AHI1: variants seen among roughly 807,000 people sequenced by gnomAD.
AHI1 encodes jouberin.
AHI1 carries 123 observed loss-of-function variants against 149.3 expected under a neutral mutation model. That is an observed-to-expected ratio of 0.82 (90% confidence interval 0.71 to 0.96). AHI1 has a LOEUF of 0.96. Ranked by LOEUF, AHI1 falls within the 40% of genes least tolerant of loss-of-function variation. The pLI, the probability that AHI1 is intolerant of heterozygous loss-of-function variation, is 0.00. For missense variants in AHI1, 1,439 were observed against 1,422.7 expected (o/e 1.01, Z -0.18); for synonymous variants, 475 against 459.8 (o/e 1.03, Z -0.42).
Position 135,438,433 on chromosome 6 carries a change from G to C in AHI1, c.1978C>G (p.Leu660Val), listed in dbSNP as rs1394335930. The change falls in exon 15 of 29, where the codon CTT becomes GTT. Residue 660 changes from leucine to valine, a missense_variant. Coordinates refer to ENST00000265602, the MANE Select transcript of AHI1 (RefSeq NM_001134831.2). ...TAGTGATCATCTTTTGACCAGGAAA[G>C]ATCATAAATGATATTGAGGTGGCCA... ...LCGHLNIIYD[L>V]SWSKDDHYIL... The C allele has an allele frequency of 7.7e-6, 12 of 1,562,496 alleles. No individual in the cohort carries two copies. The highest frequency in any genetic ancestry group is 2.7e-5 in the African/African-American group (2 of 73,846).
chr6:135,439,163 C>A (rs1405914296), intron 14 of AHI1, among the ~76,000 whole-genome samples: 1 of 152,216 alleles, frequency 6.6e-6, no homozygotes. Flanking sequence ...ACAGCAGTCC[C>A]CCCTTATGTG....
At chr6:135,457,235 G>A (rs1217788261) in intron 9 of AHI1, among the ~76,000 whole-genome samples, 1 of 152,196 alleles carries the variant, frequency 6.6e-6, no homozygotes, top group African/African-American at 2.4e-5. Context: ...AGTGAGCCAA[G>A]ATTGAGCACT....
At chr6:135,379,162 C>T (rs1776343726) in intron 23 of AHI1, among the ~76,000 whole-genome samples, 1 of 152,156 alleles carries the variant, frequency 6.6e-6, no homozygotes, top group Admixed American at 6.5e-5. Context: ...GCCATAATAT[C>T]TTGTAGGCAT....
At chr6:135,421,797 T>C (rs1001066576) in intron 20 of AHI1, among the ~76,000 whole-genome samples, 5 of 152,134 alleles carry the variant, frequency 3.3e-5, no homozygotes, top group African/African-American at 1.2e-4. Context: ...GTGAATAATA[T>C]TAAAATAGGT....
At chr6:135,396,672 C>T (rs1779257473) in intron 22 of AHI1, among the ~76,000 whole-genome samples, 1 of 151,864 alleles carries the variant, frequency 6.6e-6, no homozygotes, top group Middle Eastern at 3.4e-3. Flanking sequence ...CTATTTAATT[C>T]ACTTCTTTTT....
chr6:135,375,624 T>A (rs1394402553), intron 23 of AHI1, among the ~76,000 whole-genome samples: 2 of 152,218 alleles, frequency 1.3e-5, no homozygotes, highest in Non-Finnish European at 2.9e-5. Flanking sequence ...TTGTAGCCTT[T>A]ATTATTGATA....
chr6:135,417,358 CACAT>C (rs1263771485), intron 20 of AHI1, among the ~76,000 whole-genome samples: 1 of 151,982 alleles, frequency 6.6e-6, no homozygotes, highest in Non-Finnish European at 1.5e-5. Flanking sequence ...GGCCCAGAAG[CACAT>C]ACACCTACGT....
intron 5 of AHI1, among the ~76,000 whole-genome samples, chr6:135,471,245 T>C (rs1791644215): frequency 6.6e-6 from 1 of 152,198 alleles, no homozygotes; most frequent in Admixed American, 6.5e-5. Context: ...TTACCACTGA[T>C]CTGTCAGCCT....
chr6:135,376,502 G>A (rs74646241), intron 23 of AHI1, among the ~76,000 whole-genome samples: 2,696 of 152,090 alleles, frequency 0.018, 93 homozygotes, highest in African/African-American at 0.062. Flanking sequence ...GTACTTTGTA[G>A]ATTTTTTTTA....
intron 24 of AHI1, among the ~76,000 whole-genome samples, chr6:135,355,826 G>C (rs1031660897): frequency 3.3e-5 from 5 of 152,164 alleles, no homozygotes; most frequent in African/African-American, 1.2e-4. Flanking sequence ...TTGAACCCGG[G>C]AGACGGACAT....
intron 5 of AHI1, among the ~76,000 whole-genome samples, chr6:135,468,594 C>T (rs369563178): frequency 5.9e-5 from 9 of 152,078 alleles, no homozygotes; most frequent in East Asian, 1.9e-4. Context: ...ATCTCAGCTA[C>T]GTGGGAGGCT....
intron 8 of AHI1, among the ~76,000 whole-genome samples, chr6:135,458,498 C>T: frequency 6.6e-6 from 1 of 152,036 alleles, no homozygotes. Context: ...CATGATCTGC[C>T]AGGGGAAGGG....
chr6:135,473,115 C>T (rs975572246), intron 5 of AHI1, among the ~76,000 whole-genome samples: 1 of 152,040 alleles, frequency 6.6e-6, no homozygotes, highest in African/African-American at 2.4e-5. Flanking sequence ...TGTCTTTGAT[C>T]CACTTCTAGT....
At chr6:135,376,617 C>T (rs903493112) in intron 23 of AHI1, among the ~76,000 whole-genome samples, 3 of 152,046 alleles carry the variant, frequency 2.0e-5, no homozygotes, top group Non-Finnish European at 4.4e-5. Context: ...GGCGCAGTGG[C>T]TCACGCCTAT....
Position 135,290,485 on chromosome 6 carries a change from G to A in AHI1, c.3526C>T (p.His1176Tyr), listed in dbSNP as rs1168048728. 3.7e-6 allele frequency: 6 copies of A among 1,613,608 alleles called. No homozygotes were observed. The highest frequency in any genetic ancestry group is 5.1e-6 in the Non-Finnish European group (6 of 1,179,778). Residue 1176 changes from histidine (H) to tyrosine (Y), a missense_variant, in exon 28 of 29, where the codon CAC (histidine) becomes TAC (tyrosine). Transcript: ENST00000265602. ...TTCCTCATCCGTGTATCCATTATGT[G>A]TCCTTGGTCCTCATGGCTCTGTTCT... ...RKEQSHEDQGHIMDTRMRKNK... is the reference protein window; with the variant it reads ...RKEQSHEDQGYIMDTRMRKNK...
intron 27 of AHI1, among the ~76,000 whole-genome samples, chr6:135,293,117 C>T (rs1376586434): frequency 6.6e-6 from 1 of 151,920 alleles, no homozygotes; most frequent in Non-Finnish European, 1.5e-5. Flanking sequence ...TGTAACTCAC[C>T]ATATTAAGAA....
At chr6:135,453,771 T>G (rs1788494197) in intron 10 of AHI1, among the ~76,000 whole-genome samples, 1 of 152,212 alleles carries the variant, frequency 6.6e-6, no homozygotes, top group African/African-American at 2.4e-5. Flanking sequence ...CAGCAGACTT[T>G]AAAGGATTGT....
chr6:135,302,510 G>T (rs929557336), intron 26 of AHI1: 1 of 1,017,238 alleles, frequency 9.8e-7, no homozygotes, highest in African/African-American at 1.7e-5. Context: ...GTTAAACATG[G>T]TCCCTGCCAT....
intron 15 of AHI1, among the ~76,000 whole-genome samples, chr6:135,434,041 T>A (rs533212899): frequency 6.6e-6 from 1 of 152,056 alleles, no homozygotes; most frequent in Non-Finnish European, 1.5e-5. Flanking sequence ...ATACAGGTGC[T>A]ATATAAGTGT....
Sources: gnomAD v4.1 joint callset for allele counts (sites outside exome capture counted in the v4.1 genomes callset) on GRCh38, gnomAD v4.1.1 for gene constraint, MANE v1.5 for transcripts, NCBI Gene and HGNC (gene_info 2026-07-23, HGNC 2026-07-21) for gene names.